Variants in ZNF836 observed in about 807,000 individuals in gnomAD.
The protein encoded by ZNF836 is zinc finger protein 836.
A neutral mutation model predicts 7.4 loss-of-function variants in ZNF836; 12 were observed. That is an observed-to-expected ratio of 1.61 (90% CI 1.03 to 2.61). The LOEUF (loss-of-function observed/expected upper bound fraction) is 2.61, where lower values mean the gene tolerates loss of function less well. Among genes scored for constraint, ZNF836 ranks in the 30% most tolerant of loss-of-function variants. The probability of loss-of-function intolerance (pLI) is 0.00; values close to 1 mark genes in which losing one functional copy is unlikely to be tolerated. For missense variants in ZNF836, 998 were observed against 1,126.2 expected (o/e 0.89, Z 1.63); for synonymous variants, 365 against 382.6 (o/e 0.95, Z 0.54).
In ZNF836 at chr19:52,156,242, G is replaced by T; in HGVS notation, c.1441C>A (p.Gln481Lys). 1 of 1,614,016 alleles carries T rather than the reference G, an allele frequency of 6.2e-7. No homozygotes were observed. The highest frequency in any genetic ancestry group is 8.5e-7 in the Non-Finnish European group (1 of 1,179,986). The change falls in exon 5 of 5, where the codon CAG (glutamine) becomes AAG (lysine). Residue 481 changes from glutamine (Q) to lysine (K), a missense_variant. Gln to Lys is a moderately conservative substitution (Grantham distance 53, BLOSUM62 1). Transcript: ENST00000682614. ...CGATGCCCCACAAGATGTGAAGTCT[G>T]ACTGAAGACCTTGCCACATTCATTG... ...KCNECGKVFS[Q>K]TSHLVGHRRI... is the part of the protein sequence containing the mutation.
Position 52,158,467 on chromosome 19 carries a change from G to A in ZNF836, c.143-927C>T, listed in dbSNP as rs913450630. On this transcript the variant is annotated intron_variant, in intron 4 of 4. Coordinates refer to ENST00000682614, the MANE Select transcript of ZNF836 (RefSeq NM_001102657.3). ...GTTCTAAAACTACCTATTTCTGGCC[G>A]GGCGCAGTGGCTCACACCTGTAATC... Among the ~76,000 whole-genome samples the A allele has an allele frequency of 5.3e-5, 8 of 151,966 alleles. No homozygotes were observed. The South Asian group carries it at 6.3e-4, about 12-fold the overall frequency.
intron 3 of ZNF836, among the ~76,000 whole-genome samples, chr19:52,167,695 G>C (rs1419732882): frequency 6.6e-6 from 1 of 152,046 alleles, no homozygotes; most frequent in Non-Finnish European, 1.5e-5. Flanking sequence ...ATTAATATGT[G>C]ACTTCCGTGT....
chr19:52,166,141 G>A (rs1312984742), intron 3 of ZNF836, among the ~76,000 whole-genome samples: 2 of 152,110 alleles, frequency 1.3e-5, no homozygotes, highest in African/African-American at 2.4e-5. Context: ...ACAGGCATGC[G>A]CCACCACGCC....
rs1403512439 is a variant in ZNF836, at chr19:52,155,946, C to T, written c.1737G>A (p.Glu579=). 1.2e-6 allele frequency: 2 copies of T among 1,613,988 alleles called. No homozygotes were observed. Among genetic ancestry groups the T allele is most frequent in the African/African-American group, 2.7e-5 (2 of 75,034 alleles). ...LSIHKRIHTG[E]KPFQCNECGT... The stretch of plus-strand genomic sequence containing the variant: ...CACATTCATTACATTGGAAAGGTTT[C>T]TCTCCCGTATGTATTCTCTTATGAA... Residue 579 remains glutamate (E), a synonymous_variant, in exon 5 of 5, where the codon GAG becomes GAA. Coordinates refer to ENST00000682614, the MANE Select transcript of ZNF836 (RefSeq NM_001102657.3).
At position 52,171,477 on chromosome 19, in the gene ZNF836, C is replaced by T. The variant is rs1246767031; in HGVS notation, c.-356G>A. The T allele has an allele frequency of 6.6e-6, 1 of 152,244 alleles. No homozygotes were observed. Among genetic ancestry groups the T allele is most frequent in the East Asian group, 1.9e-4 (1 of 5,190 alleles). The allele number at this position is 152,244 out of a possible 1,614,324, so 9.4% of individuals were successfully genotyped here. On this transcript the variant is annotated 5_prime_UTR_variant, in exon 1 of 5. Coordinates refer to ENST00000682614, the MANE Select transcript of ZNF836 (RefSeq NM_001102657.3). The stretch of plus-strand genomic sequence containing the variant: ...AATGTTTAGTCCAGGTAGACGGAAA[C>T]TGACGCGCAGCGCTGTGATCTTTTC...
chr19:52,167,980 A>C, intron 3 of ZNF836, 78 bp downstream of exon 3: 1 of 1,104,938 alleles, frequency 9.1e-7, no homozygotes, highest in East Asian at 2.4e-5. Context: ...CTTCAGACTC[A>C]GAGGAGATTC....
intron 3 of ZNF836, among the ~76,000 whole-genome samples, chr19:52,164,367 C>A (rs189526509): frequency 5.1e-4 from 72 of 142,360 alleles, no homozygotes; most frequent in Non-Finnish European, 9.4e-4. Context: ...CACTCCAGCC[C>A]GGGCAACAGG....
chr19:52,156,298 C>A lies in ZNF836; in HGVS notation c.1385G>T (p.Arg462Ile), dbSNP rs762115893. ...GTAAGGTTTCTCTCCAGTATGACTT[C>A]TCTGGTGCCTTGCAAGTTGTGAACG... is the stretch of plus-strand genomic sequence containing the variant. The part of the protein sequence containing the change: ...SQRSQLARHQ[R>I]SHTGEKPYKC... Residue 462 changes from arginine (R) to isoleucine (I), a missense_variant, in exon 5 of 5, where the codon AGA (arginine) becomes ATA (isoleucine). Arg to Ile is a moderately conservative substitution (Grantham distance 97). Transcript: ENST00000682614. 1 of 1,614,100 alleles carries A rather than the reference C, an allele frequency of 6.2e-7. No individual in the cohort carries two copies. The highest frequency in any genetic ancestry group is 8.5e-7 in the Non-Finnish European group (1 of 1,180,016).
intron 4 of ZNF836, 61 bp downstream of exon 4, chr19:52,160,404 C>G: frequency 6.2e-7 from 1 of 1,609,696 alleles, no homozygotes. Flanking sequence ...AGAAAGACAA[C>G]AGAGAAAATA....
Position 52,171,439 on chromosome 19 carries a change from A to G in ZNF836, c.-318T>C, listed in dbSNP as rs763147391. 3 of 152,302 alleles carry G rather than the reference A, an allele frequency of 2.0e-5. No homozygotes were observed. Among genetic ancestry groups the G allele is most frequent in the Non-Finnish European group, 4.4e-5 (3 of 68,088 alleles). The allele number at this position is 152,302 out of a possible 1,614,324, so 9.4% of individuals were successfully genotyped here. A position where few individuals can be genotyped will look rare whatever the true frequency, so the allele number is the denominator to read the frequency against. ...CCAAGTGCACGTTCGATTCAGGCAG[A>G]CGGGGCGAAGCAAATGTTTAGTCCA... On this transcript the variant is annotated 5_prime_UTR_variant, in exon 1 of 5. Transcript: ENST00000682614.
chr19:52,160,700 A>T, intron 3 of ZNF836, 109 bp from the exon 4 acceptor site: 4 of 1,376,870 alleles, frequency 2.9e-6, no homozygotes, highest in Non-Finnish European at 3.9e-6. Flanking sequence ...GTTTTCACAT[A>T]TCCATGCAAG....
At chr19:52,160,660 G>A (rs1167032577) in intron 3 of ZNF836, 69 bp from the exon 4 acceptor site, 3 of 1,506,454 alleles carry the variant, frequency 2.0e-6, no homozygotes, top group East Asian at 4.6e-5. Flanking sequence ...ATGAGAAGAG[G>A]AGAGAACTGT....
In ZNF836 at chr19:52,155,297, G is replaced by A; in HGVS notation, c.2386C>T (p.His796Tyr). The A allele has an allele frequency of 6.2e-7, 1 of 1,614,184 alleles. No individual in the cohort carries two copies. The highest frequency in any genetic ancestry group is 8.5e-7 in the Non-Finnish European group (1 of 1,180,032). Residue 796 changes from histidine to tyrosine, a missense_variant, in exon 5 of 5, where the codon CAT (histidine) becomes TAT (tyrosine). His to Tyr is a moderately conservative substitution (Grantham distance 83, BLOSUM62 2). Coordinates refer to ENST00000682614, the MANE Select transcript of ZNF836 (RefSeq NM_001102657.3). Reference sequence around the variant, plus strand: ...TTCTCTCCAGTATGAATACTCCGATGACGTGCTAGTGTTGATTGATGACGA... The same window carrying A: ...TTCTCTCCAGTATGAATACTCCGATAACGTGCTAGTGTTGATTGATGACGA... The part of the protein sequence containing the change: ...VFRHQSTLAR[H>Y]RSIHTGEKPY...
At chr19:52,157,911 T>A (rs1053259077) in intron 4 of ZNF836, among the ~76,000 whole-genome samples, 18 of 152,110 alleles carry the variant, frequency 1.2e-4, no homozygotes, top group Non-Finnish European at 1.0e-4. Flanking sequence ...TGTTTTTTTT[T>A]AAATAACTAC....
chr19:52,166,439 A>G lies in ZNF836; in HGVS notation c.15+1619T>C, dbSNP rs574469478. On this transcript the variant is annotated intron_variant, in intron 3 of 4. Transcript: ENST00000682614. ...AGTATAGATAGTAAAAAAAGTCACT[A>G]TGGTTTAACAAATTAACATATCCAT... Among the ~76,000 whole-genome samples the G allele has an allele frequency of 8.9e-4, 136 of 152,222 alleles. 1 individual carries two copies. Among genetic ancestry groups the G allele is most frequent in the Non-Finnish European group, 1.7e-3 (117 of 68,016 alleles).
intron 4 of ZNF836, among the ~76,000 whole-genome samples, chr19:52,159,196 C>T (rs948701574): frequency 3.9e-5 from 6 of 152,096 alleles, no homozygotes; most frequent in African/African-American, 1.4e-4. Flanking sequence ...GCTAATATGC[C>T]ATCTCATTAT....
Position 52,155,382 on chromosome 19 carries a change from C to A in ZNF836, c.2301G>T (p.Arg767Ser). The change falls in exon 5 of 5, where the codon AGG (arginine) becomes AGT (serine). Residue 767 changes from arginine (R) to serine (S), a missense_variant. Coordinates refer to ENST00000682614, the MANE Select transcript of ZNF836 (RefSeq NM_001102657.3). ...QVFNSTSNLA[R>S]HRRIHTGEKP... ...TCTCTCCAGTGTGAATTCTCCGATG[C>A]CTTGCAAGGTTCGAAGTGGAATTAA... 6.2e-7 allele frequency: 1 copy of A among 1,612,778 alleles called. No individual in the cohort carries two copies. Among genetic ancestry groups the A allele is most frequent in the South Asian group, 1.1e-5 (1 of 90,984 alleles).
chr19:52,155,153 TA>T lies in ZNF836; in HGVS notation c.2529del (p.Phe843LeufsTer40), dbSNP rs2089140059. 1.9e-6 allele frequency: 3 copies of T among 1,614,142 alleles called. No homozygotes were observed. Among genetic ancestry groups the T allele is most frequent in the Non-Finnish European group, 2.5e-6 (3 of 1,179,978 alleles). On this transcript the variant is annotated frameshift_variant, in exon 5 of 5. Transcript: ENST00000682614. LOFTEE classifies it low-confidence loss of function (END_TRUNC). ...PYKCNECGKA[F>X]IERSKLVYHQ... ...TGGTACACCAGCTTTGACCTTTCAA[TA>T]AAAGCTTTACCACATTCATTACATT...
chr19:52,171,459 A>T lies in ZNF836; in HGVS notation c.-338T>A, dbSNP rs1317313573. 1 of 152,292 alleles carries T rather than the reference A, an allele frequency of 6.6e-6. No homozygotes were observed. The highest frequency in any genetic ancestry group is 1.5e-5 in the Non-Finnish European group (1 of 68,086). 9.4% of individuals were successfully genotyped at this position (152,292 alleles called of 1,614,324 possible). A position where few individuals can be genotyped will look rare whatever the true frequency, so the allele number is the denominator to read the frequency against. Reference sequence around the variant, plus strand: ...GGCAGACGGGGCGAAGCAAATGTTTAGTCCAGGTAGACGGAAACTGACGCG... The same window carrying T: ...GGCAGACGGGGCGAAGCAAATGTTTTGTCCAGGTAGACGGAAACTGACGCG... On this transcript the variant is annotated 5_prime_UTR_variant, in exon 1 of 5. Coordinates refer to ENST00000682614, the MANE Select transcript of ZNF836 (RefSeq NM_001102657.3).
Sources: allele counts gnomAD v4.1 joint callset (sites outside exome capture counted in the v4.1 genomes callset), GRCh38; gene constraint gnomAD v4.1.1; transcripts MANE v1.5; gene names NCBI Gene and HGNC (gene_info 2026-07-23, HGNC 2026-07-21).